DYDC2: variants seen among roughly 807,000 people sequenced by gnomAD.
DYDC2 encodes the protein DPY30 domain containing 2, also known as DPY30 domain-containing protein 2.
In DYDC2, 19 loss-of-function variants were observed where a neutral mutation model predicts 18.7. That is an observed-to-expected ratio of 1.02 (90% CI 0.71 to 1.49). The LOEUF is 1.49. DYDC2 is among the 40% of genes most tolerant of loss of function. DYDC2 has a pLI of 0.00. For missense variants in DYDC2, 179 were observed against 205.1 expected (o/e 0.87, Z 0.78); for synonymous variants, 63 against 67.6 (o/e 0.93, Z 0.34).
intron 4 of DYDC2, among the ~76,000 whole-genome samples, chr10:80,364,456 T>C (rs1843763820): frequency 6.6e-6 from 1 of 152,188 alleles, no homozygotes; most frequent in Admixed American, 6.5e-5. Context: ...TAGAAATATA[T>C]AAGGCAATAA....
At chr10:80,355,016 A>G (rs1408693138), upstream of DYDC2, among the ~76,000 whole-genome samples, 2 of 151,966 alleles carry the variant, frequency 1.3e-5, no homozygotes, top group Non-Finnish European at 1.5e-5. Context: ...GAGACCAGAC[A>G]AGAGGAGTAG....
rs900457124 is a variant in DYDC2 at position 80,367,050 on chromosome 10, T to C, written c.*99T>C. 153 of 1,430,420 alleles carry C rather than the reference T, an allele frequency of 1.1e-4. No individual in the cohort carries two copies. The highest frequency in any genetic ancestry group is 1.4e-4 in the Non-Finnish European group (147 of 1,063,044). 88.6% of individuals were successfully genotyped at this position (1,430,420 alleles called of 1,614,324 possible). On this transcript the variant is annotated 3_prime_UTR_variant, in exon 5 of 5. Coordinates refer to ENST00000256039, the MANE Select transcript of DYDC2 (RefSeq NM_032372.6). ...GATTTAAGGGGCTGTAAAAGGCAAG[T>C]TCAGGGACTCTCCAGCCTACTCCTT...
chr10:80,352,525 G>C (rs137915481), upstream of DYDC2: 2 of 1,613,356 alleles, frequency 1.2e-6, no homozygotes, highest in African/African-American at 2.7e-5. Flanking sequence ...CGGATCCACT[G>C]GGCGAACTCT....
intron 4 of DYDC2, among the ~76,000 whole-genome samples, chr10:80,365,187 A>G (rs1369544311): frequency 1.3e-5 from 2 of 152,358 alleles, no homozygotes; most frequent in East Asian, 3.9e-4. Flanking sequence ...TGACTTGGAT[A>G]CAGGTTAGCA....
intron 4 of DYDC2, among the ~76,000 whole-genome samples, chr10:80,363,484 A>G (rs1488749752): frequency 1.3e-5 from 2 of 149,628 alleles, no homozygotes; most frequent in Non-Finnish European, 3.0e-5. Flanking sequence ...ATCTGGGACT[A>G]CAGGCACATG....
intron 2 of DYDC2, among the ~76,000 whole-genome samples, chr10:80,358,373 CTCTTAAAAATAAAAAATAAAAGG>C (rs1167092242): frequency 6.6e-6 from 1 of 151,916 alleles, no homozygotes; most frequent in Non-Finnish European, 1.5e-5. Context: ...CCAAGGCTCT[CTCTTAAAAATAAAAAATAAAAGG>C]CATCCCCTTG....
At chr10:80,353,536 C>T (rs1236441178), upstream of DYDC2, among the ~76,000 whole-genome samples, 1 of 151,624 alleles carries the variant, frequency 6.6e-6, no homozygotes, top group Non-Finnish European at 1.5e-5. Context: ...AAAAATTGAT[C>T]ACCCTCAGAT....
intron 1 of DYDC2, among the ~76,000 whole-genome samples, chr10:80,347,898 C>A (rs1842765138): frequency 6.6e-6 from 1 of 152,096 alleles, no homozygotes; most frequent in African/African-American, 2.4e-5. Flanking sequence ...ATAGTTCCAA[C>A]TTCGTTTTTC....
chr10:80,356,860 G>T (rs1195936631), intron 1 of DYDC2, 35 bp downstream of exon 1: 2 of 985,790 alleles, frequency 2.0e-6, no homozygotes, highest in African/African-American at 1.7e-5. Context: ...AGCGAAGGGG[G>T]AACGCGCAGC....
intron 4 of DYDC2, 67 bp from the exon 5 acceptor site, chr10:80,366,621 T>C (rs2132907516): frequency 1.3e-6 from 2 of 1,514,926 alleles, no homozygotes; most frequent in Middle Eastern, 1.8e-4. Context: ...ATACTGTGTT[T>C]TTGCCATACA....
In DYDC2 at chr10:80,366,768, G is replaced by C; in HGVS notation, c.351G>C (p.Leu117Phe). 6.2e-7 allele frequency: 1 copy of C among 1,614,144 alleles called. No individual in the cohort carries two copies. Among genetic ancestry groups the C allele is most frequent in the Non-Finnish European group, 8.5e-7 (1 of 1,180,008 alleles). The change falls in exon 5 of 5, where the codon TTG becomes TTC. Residue 117 changes from leucine (L) to phenylalanine (F), a missense_variant. Physicochemically the swap from Leu to Phe is conservative, Grantham distance 22. Coordinates refer to ENST00000256039, the MANE Select transcript of DYDC2 (RefSeq NM_032372.6). The stretch of plus-strand genomic sequence containing the variant: ...CAAACCCCCTTGAGAAGGAGGCCTT[G>C]AAGCAGGAATTCCTGCCAGGTACTT... ...EDTNPLEKEA[L>F]KQEFLPGTSS...
At chr10:80,356,391 T>G, upstream of DYDC2, 1 of 985,636 alleles carries the variant, frequency 1.0e-6, no homozygotes, top group Non-Finnish European at 1.2e-6. Context: ...GCCAGCCAAC[T>G]GGGCGGGGGC....
upstream of DYDC2, chr10:80,356,685 C>T: frequency 8.1e-6 from 8 of 984,126 alleles, no homozygotes; most frequent in African/African-American, 1.7e-5. Context: ...ATCCCAAAAA[C>T]AGTTCGGGCC....
chr10:80,362,658 A>G, intron 3 of DYDC2, 68 bp downstream of exon 3: 1 of 1,533,958 alleles, frequency 6.5e-7, no homozygotes, highest in South Asian at 1.3e-5. Context: ...CCAAGACACA[A>G]GGCAGGATTC....
At chr10:80,346,239 T>G (rs1842614113) in intron 1 of DYDC2, among the ~76,000 whole-genome samples, 1 of 152,114 alleles carries the variant, frequency 6.6e-6, no homozygotes, top group South Asian at 2.1e-4. Context: ...GACATGGGAG[T>G]GCAAGTAGTC....
At chr10:80,351,420 T>A (rs900976620) in intron 1 of DYDC2, among the ~76,000 whole-genome samples, 7 of 150,950 alleles carry the variant, frequency 4.6e-5, no homozygotes, top group Non-Finnish European at 1.0e-4. Flanking sequence ...AAAACATCTC[T>A]CCTTGCTATC....
intron 1 of DYDC2, among the ~76,000 whole-genome samples, chr10:80,349,168 G>A (rs1260377570): frequency 2.6e-5 from 4 of 152,238 alleles, no homozygotes; most frequent in Non-Finnish European, 5.9e-5. Flanking sequence ...TGGGATTACA[G>A]GCGTGAGCCA....
rs1204393332 is a variant in DYDC2, at chr10:80,366,755, A to G, written c.338A>G (p.Glu113Gly). The G allele has an allele frequency of 1.9e-6, 3 of 1,614,148 alleles. No individual in the cohort carries two copies. The East Asian group carries it at 6.7e-5, about 36-fold the overall frequency. Residue 113 changes from glutamate (E) to glycine (G), a missense_variant, in exon 5 of 5, where the codon GAG becomes GGG. Coordinates refer to ENST00000256039, the MANE Select transcript of DYDC2 (RefSeq NM_032372.6). The stretch of plus-strand genomic sequence containing the variant: ...ATGCAGGAGGACACAAACCCCCTTG[A>G]GAAGGAGGCCTTGAAGCAGGAATTC... ...IFMQEDTNPL[E>G]KEALKQEFLP...
At chr10:80,352,589 A>G (rs571184324), upstream of DYDC2, 2 of 1,603,944 alleles carry the variant, frequency 1.2e-6, no homozygotes, top group Middle Eastern at 1.7e-4. Flanking sequence ...TTTTGAAGAT[A>G]TATTGACTCC....
Sources: gnomAD v4.1 joint callset for allele counts (sites outside exome capture counted in the v4.1 genomes callset) on GRCh38, gnomAD v4.1.1 for gene constraint, MANE v1.5 for transcripts, NCBI Gene and HGNC (gene_info 2026-07-23, HGNC 2026-07-21) for gene names.